RECQL4: variants seen among roughly 807,000 people sequenced by gnomAD.
RECQL4 encodes the protein ATP-dependent DNA helicase Q4.
A neutral mutation model predicts 128.6 loss-of-function variants in RECQL4; 158 were observed. The ratio of observed to expected loss-of-function variants is 1.23; its 90% CI spans 1.08 to 1.40. The LOEUF (loss-of-function observed/expected upper bound fraction) is 1.40, where lower values mean the gene tolerates loss of function less well. RECQL4 is among the 40% of genes most tolerant of loss of function. RECQL4 has a pLI of 0.00. For synonymous variants in RECQL4, 996 were observed against 678.9 expected, an observed-to-expected ratio of 1.47 and a Z score of -7.26; for missense variants, 2,293 against 1,649.8, an observed-to-expected ratio of 1.39 and a Z score of -6.75.
rs1204516136 is a variant in RECQL4 at position 144,512,597 on chromosome 8, C to A, written c.2886-36G>T. 6 of 1,611,932 alleles carry A rather than the reference C, an allele frequency of 3.7e-6. No homozygotes were observed. The African/African-American group carries it at 8.0e-5, about 22-fold the overall frequency. On this transcript the variant is annotated intron_variant, in intron 16 of 20. Transcript: ENST00000617875. ...GGAAAAAGGGACATGTGGCCAACAG[C>A]CCTGATTCTCCAACCTCGTCTCCAA...
At position 144,513,410 on chromosome 8, in the gene RECQL4, C is replaced by G; in HGVS notation, c.2271G>C (p.Gln757His). 6.2e-7 allele frequency: 1 copy of G among 1,608,934 alleles called. No individual in the cohort carries two copies. The highest frequency in any genetic ancestry group is 8.5e-7 in the Non-Finnish European group (1 of 1,179,716). ...GMCSRERRRV[Q>H]RAFMQGQLRV... ...GCAACTGGCCCTGCATGAAGGCTCG[C>G]TGTACCCGCCGCCGTTCCCGGCTGC... The change falls in exon 14 of 21, where the codon CAG (glutamine) becomes CAC (histidine). Residue 757 changes from glutamine to histidine, a missense_variant. Transcript: ENST00000617875.
Position 144,512,771 on chromosome 8 carries a change from G to A in RECQL4, c.2756C>T (p.Ala919Val), listed in dbSNP as rs1430844611. 1 of 1,611,672 alleles carries A rather than the reference G, an allele frequency of 6.2e-7. No homozygotes were observed. Among genetic ancestry groups the A allele is most frequent in the Admixed American group, 1.7e-5 (1 of 59,970 alleles). ...TVQALDMPEE[A>V]IETLLCYLEL... ...CAGGTAGCACAGCAAAGTCTCGATGGCTGGGGGCAGAGCAGGGCTCAGCGG... is the reference window on the plus strand; with the variant it reads ...CAGGTAGCACAGCAAAGTCTCGATGACTGGGGGCAGAGCAGGGCTCAGCGG... The change falls in exon 16 of 21, where the codon GCC (alanine) becomes GTC (valine). Residue 919 changes from alanine (A) to valine (V), a missense_variant and splice_region_variant. By Grantham distance (64) the Ala-to-Val change is moderately conservative. Coordinates refer to ENST00000617875, the MANE Select transcript of RECQL4 (RefSeq NM_004260.4).
In RECQL4 at chr8:144,512,498, G is replaced by C. The variant is rs751727270; in HGVS notation, c.2949C>G (p.Ser983Arg). 3 of 1,612,520 alleles carry C rather than the reference G, an allele frequency of 1.9e-6. No individual in the cohort carries two copies. Among genetic ancestry groups the C allele is most frequent in the Non-Finnish European group, 2.5e-6 (3 of 1,179,812 alleles). Residue 983 changes from serine (S) to arginine (R), a missense_variant, in exon 17 of 21, where the codon AGC (serine) becomes AGG (arginine). Coordinates refer to ENST00000617875, the MANE Select transcript of RECQL4 (RefSeq NM_004260.4). ...QLPEDPGQGS[S>R]SVEFDMVKLV... is the part of the protein sequence containing the mutation. The stretch of plus-strand genomic sequence containing the variant: ...GCTTGACCATGTCAAACTCCACGGA[G>C]CTGCTGCCTTGCCCTGGGTCCTCAG...
At position 144,512,759 on chromosome 8, in the gene RECQL4, A is replaced by G. The variant is rs895459988; in HGVS notation, c.2768T>C (p.Leu923Ser). The G allele has an allele frequency of 1.2e-6, 2 of 1,611,956 alleles. No homozygotes were observed. ...LDMPEEAIETLLCYLELHPHH... is the reference protein window; with the variant it reads ...LDMPEEAIETSLCYLELHPHH... ...TGGGTGCAGCTCCAGGTAGCACAGCAAAGTCTCGATGGCTGGGGGCAGAGC... is the reference window on the plus strand; with the variant it reads ...TGGGTGCAGCTCCAGGTAGCACAGCGAAGTCTCGATGGCTGGGGGCAGAGC... The change falls in exon 16 of 21, where the codon TTG becomes TCG. Residue 923 changes from leucine to serine, a missense_variant. By Grantham distance (145) the Leu-to-Ser change is moderately radical. Transcript: ENST00000617875.
Position 144,517,421 on chromosome 8 carries a change from G to A in RECQL4, c.206C>T (p.Ala69Val), listed in dbSNP as rs768035751. ...LRSSESLPAA[A>V]EEAPEPRCWG... ...GCGGCGGGGCCTGGGTACCTCTTCG[G>A]CCGCCGCGGGGAGCGACTCGGAGCT... Residue 69 changes from alanine to valine, a missense_variant, in exon 3 of 21, where the codon GCC becomes GTC. Physicochemically the swap from Ala to Val is moderately conservative, Grantham distance 64. Coordinates refer to ENST00000617875, the MANE Select transcript of RECQL4 (RefSeq NM_004260.4). 1.3e-6 allele frequency: 2 copies of A among 1,573,648 alleles called. No homozygotes were observed. The highest frequency in any genetic ancestry group is 4.6e-5 in the East Asian group (2 of 43,458).
chr8:144,512,130 C>T lies in RECQL4; in HGVS notation c.3236+14G>A, dbSNP rs372380770. On this transcript the variant is annotated intron_variant, in intron 18 of 20. Transcript: ENST00000617875. ...AGGGTGGATGGTCCCAGGCCCCGCC[C>T]GCCTCCTCCCAACCTGTGAAAGGCC... 70 of 1,602,734 alleles carry T rather than the reference C, an allele frequency of 4.4e-5. No homozygotes were observed. The highest frequency in any genetic ancestry group is 6.7e-5 in the African/African-American group (5 of 74,752).
chr8:144,515,556 AG>A, intron 6 of RECQL4, 99 bp from the exon 7 acceptor site: 1 of 1,567,954 alleles, frequency 6.4e-7, no homozygotes, highest in Non-Finnish European at 8.7e-7. Context: ...GGCAGCAGGC[AG>A]TGCCCTTCCT....
At position 144,517,144 on chromosome 8, in the gene RECQL4, G is replaced by A. The variant is rs1815246368; in HGVS notation, c.260C>T (p.Thr87Ile). 1 of 1,611,140 alleles carries A rather than the reference G, an allele frequency of 6.2e-7. No homozygotes were observed. Among genetic ancestry groups the A allele is most frequent in the African/African-American group, 1.3e-5 (1 of 74,934 alleles). The change falls in exon 4 of 21, where the codon ACC (threonine) becomes ATC (isoleucine). Residue 87 changes from threonine to isoleucine, a missense_variant. Coordinates refer to ENST00000617875, the MANE Select transcript of RECQL4 (RefSeq NM_004260.4). ...CCCTGGCGTAGACTGTGGACTCTTG[G>A]TCGCAGCCCGATTCAGATGGGGCCC... ...CWGPHLNRAATKSPQSTPGRS... is the reference protein window; with the variant it reads ...CWGPHLNRAAIKSPQSTPGRS...
chr8:144,514,404 C>G (rs371107497), intron 10 of RECQL4, 38 bp downstream of exon 10: 1 of 1,601,640 alleles, frequency 6.2e-7, no homozygotes, highest in Non-Finnish European at 8.5e-7. Flanking sequence ...GGTGCCCGCC[C>G]GCTGCCTCCC....
chr8:144,517,059 G>A lies in RECQL4; in HGVS notation c.345C>T (p.Gly115=), dbSNP rs377027093. Residue 115 remains glycine (G), a synonymous_variant, in exon 4 of 21, where the codon GGC becomes GGT. Coordinates refer to ENST00000617875, the MANE Select transcript of RECQL4 (RefSeq NM_004260.4). The part of the protein sequence containing the change: ...YGQRLKANLK[G]TLQAGPALGR... ...CCTGCCCACTCCTCACCTGCAGGGT[G>A]CCTTTCAGATTGGCCTTGAGCCGCT... The A allele has an allele frequency of 6.2e-6, 10 of 1,610,816 alleles. No homozygotes were observed. In the Admixed American group the frequency reaches 1.3e-4, roughly 21 times the overall value.
At position 144,512,332 on chromosome 8, in the gene RECQL4, A is replaced by C; in HGVS notation, c.3056-8T>G. On this transcript the variant is annotated splice_region_variant and splice_polypyrimidine_tract_variant and intron_variant, in intron 17 of 20. Coordinates refer to ENST00000617875, the MANE Select transcript of RECQL4 (RefSeq NM_004260.4). ...CTGTCCCACGCCGCACACCTGCCGG[A>C]AAGCATGTCAGATGCAGGCAGGCAG... 6.2e-7 allele frequency: 1 copy of C among 1,611,888 alleles called. No individual in the cohort carries two copies. Among genetic ancestry groups the C allele is most frequent in the African/African-American group, 1.3e-5 (1 of 75,046 alleles).
At chr8:144,515,916 C>T (rs1335147074) in intron 5 of RECQL4, 26 bp from the exon 6 acceptor site, 1 of 1,612,524 alleles carries the variant, frequency 6.2e-7, no homozygotes, top group African/African-American at 1.3e-5. Flanking sequence ...ATAGGAGGGT[C>T]ACTGGGCGGG....
At position 144,511,456 on chromosome 8, in the gene RECQL4, TC is replaced by T; in HGVS notation, c.3601del (p.Glu1201LysfsTer18). 6.2e-7 allele frequency: 1 copy of T among 1,612,534 alleles called. No individual in the cohort carries two copies. Among genetic ancestry groups the T allele is most frequent in the Non-Finnish European group, 8.5e-7 (1 of 1,179,752 alleles). On this transcript the variant is annotated frameshift_variant, in exon 21 of 21. Coordinates refer to ENST00000617875, the MANE Select transcript of RECQL4 (RefSeq NM_004260.4). LOFTEE classifies it high-confidence loss of function. ...TCAGCGGGCCACCTGCAGGAGCTCTTCCGTGGCCAGGCCCACCAGGGCATGG... is the reference window on the plus strand; with the variant it reads ...TCAGCGGGCCACCTGCAGGAGCTCTTCGTGGCCAGGCCCACCAGGGCATGG... ...SFHALVGLATEELLQVAR is the reference protein window; with the variant it reads ...SFHALVGLATXELLQVAR
Position 144,513,205 on chromosome 8 carries a change from G to GA in RECQL4, c.2463+12_2463+13insT, listed in dbSNP as rs1298112189. The GA allele has an allele frequency of 6.4e-7, 1 of 1,563,280 alleles. No homozygotes were observed. Among genetic ancestry groups the GA allele is most frequent in the African/African-American group, 1.3e-5 (1 of 74,442 alleles). The stretch of plus-strand genomic sequence containing the variant: ...GCTCGAGCACTGGCAGTGTGGGGGG[G>GA]GGGGGTGCCAACCTGGGGCTGCAGG... On this transcript the variant is annotated intron_variant, in intron 14 of 20. Coordinates refer to ENST00000617875, the MANE Select transcript of RECQL4 (RefSeq NM_004260.4).
In RECQL4 at chr8:144,516,801, G is replaced by A. The variant is rs34116880; in HGVS notation, c.355-37C>T. 3,098 of 1,509,632 alleles carry A rather than the reference G, an allele frequency of 2.1e-3. 60 individuals carry two copies. In the African/African-American group the frequency reaches 0.037, roughly 18 times the overall value. 93.5% of individuals were successfully genotyped at this position (1,509,632 alleles called of 1,614,324 possible). On this transcript the variant is annotated intron_variant, in intron 4 of 20. Coordinates refer to ENST00000617875, the MANE Select transcript of RECQL4 (RefSeq NM_004260.4). ...ACAACAGAACAGCAGGAGGAACTCAGGCCCCTGAGCTACTGTAGACTCTAA... is the reference window on the plus strand; with the variant it reads ...ACAACAGAACAGCAGGAGGAACTCAAGCCCCTGAGCTACTGTAGACTCTAA...
Position 144,516,202 on chromosome 8 carries a change from T to C in RECQL4, c.917A>G (p.Gln306Arg), listed in dbSNP as rs1292046916. 6.2e-7 allele frequency: 1 copy of C among 1,613,360 alleles called. No homozygotes were observed. The highest frequency in any genetic ancestry group is 8.5e-7 in the Non-Finnish European group (1 of 1,179,856). ...EDPPGEPVQAQPPQPCSSPSN... is the reference protein window; with the variant it reads ...EDPPGEPVQARPPQPCSSPSN... The stretch of plus-strand genomic sequence containing the variant: ...TGGGCTGCTGCAGGGCTGAGGTGGC[T>C]GTGCCTGTACAGGTTCCCCTGGAGG... Residue 306 changes from glutamine to arginine, a missense_variant, in exon 5 of 21, where the codon CAG becomes CGG. Physicochemically the swap from Gln to Arg is conservative, Grantham distance 43. Transcript: ENST00000617875.
chr8:144,512,370 T>C, intron 17 of RECQL4, 22 bp downstream of exon 17: 1 of 1,608,790 alleles, frequency 6.2e-7, no homozygotes, highest in East Asian at 2.2e-5. Flanking sequence ...TCCAGGGCGG[T>C]GTGGGGTGGG....
rs373765720 is a variant in RECQL4, at chr8:144,514,924, C to G, written c.1620+12G>C. On this transcript the variant is annotated intron_variant, in intron 9 of 20. Coordinates refer to ENST00000617875, the MANE Select transcript of RECQL4 (RefSeq NM_004260.4). ...TGGCTGTGTACGTGTGCCCAGGGCCCTGTGTGCACACCTGGTCATCCATGA... is the reference window on the plus strand; with the variant it reads ...TGGCTGTGTACGTGTGCCCAGGGCCGTGTGTGCACACCTGGTCATCCATGA... 19 of 1,610,290 alleles carry G rather than the reference C, an allele frequency of 1.2e-5. No individual in the cohort carries two copies. Among genetic ancestry groups the G allele is most frequent in the Non-Finnish European group, 1.4e-5 (17 of 1,179,294 alleles).
At position 144,513,762 on chromosome 8, in the gene RECQL4, G is replaced by A. The variant is rs754785404; in HGVS notation, c.2059-50C>T. 7.0e-4 allele frequency: 1,030 copies of A among 1,479,580 alleles called. 2 individuals carry two copies. Among genetic ancestry groups the A allele is most frequent in the Non-Finnish European group, 8.6e-4 (950 of 1,106,938 alleles). The allele number at this position is 1,479,580 out of a possible 1,614,324, so 91.7% of individuals were successfully genotyped here. On this transcript the variant is annotated intron_variant, in intron 12 of 20. Coordinates refer to ENST00000617875, the MANE Select transcript of RECQL4 (RefSeq NM_004260.4). Reference sequence around the variant, plus strand: ...CAGTGGGGAGTGAGGAGGGGTCGGCGTGTGCAGTGGGGAGTGAGGAGGGGT... The same window carrying A: ...CAGTGGGGAGTGAGGAGGGGTCGGCATGTGCAGTGGGGAGTGAGGAGGGGT...
Sources: allele counts gnomAD v4.1 joint callset, GRCh38; gene constraint gnomAD v4.1.1; transcripts MANE v1.5; gene names NCBI Gene and HGNC (gene_info 2026-07-23, HGNC 2026-07-21).